WLS: variants seen among roughly 807,000 people sequenced by gnomAD.
WLS encodes the protein protein wntless homolog.
A neutral mutation model predicts 62.8 loss-of-function variants in WLS; 23 were observed. The ratio of observed to expected loss-of-function variants is 0.37; its 90% confidence interval spans 0.26 to 0.52. WLS has a LOEUF of 0.52. Ranked by LOEUF, WLS falls within the 20% of genes least tolerant of loss-of-function variation. WLS has a pLI of 0.92. For missense variants in WLS, 615 were observed against 697.3 expected (o/e 0.88, Z 1.33); for synonymous variants, 246 against 244.1 (o/e 1.01, Z -0.07).
Position 68,126,130 on chromosome 1 carries a change from A to G in WLS, c.*96T>C. The G allele has an allele frequency of 2.0e-6, 3 of 1,527,900 alleles. No homozygotes were observed. The highest frequency in any genetic ancestry group is 2.6e-6 in the Non-Finnish European group (3 of 1,135,500). 94.6% of individuals were successfully genotyped at this position (1,527,900 alleles called of 1,614,324 possible). A position where few individuals can be genotyped will look rare whatever the true frequency, so the allele number is the denominator to read the frequency against. On this transcript the variant is annotated 3_prime_UTR_variant, in exon 12 of 12. Coordinates refer to ENST00000262348, the MANE Select transcript of WLS (RefSeq NM_024911.7). ...AAACCACAGCTAAGAGCCATGAGGC[A>G]TTCATTTGTACATTGAGCTCTCTCT...
Position 68,232,358 on chromosome 1 carries a change from G to GCTCCCTCCTCTCACACA in WLS, c.-76_-60dup, listed in dbSNP as rs1650469950. 33 of 1,578,676 alleles carry GCTCCCTCCTCTCACACA rather than the reference G, an allele frequency of 2.1e-5. No homozygotes were observed. In the South Asian group the frequency reaches 3.6e-4, roughly 17 times the overall value. On this transcript the variant is annotated 5_prime_UTR_variant, in exon 1 of 12. Coordinates refer to ENST00000262348, the MANE Select transcript of WLS (RefSeq NM_024911.7). ...ATAAATGTTTTAGGGTGAGCTTTTT[G>GCTCCCTCCTCTCACACA]CTCCCTCCTCTCACACACTCCCTCC...
chr1:68,118,902 A>AGCACCT (rs60886595), intron 11 of WLS, among the ~76,000 whole-genome samples: 1 of 143,942 alleles, frequency 6.9e-6, no homozygotes, highest in Non-Finnish European at 1.5e-5. Context: ...AAAAAAAAAA[A>AGCACCT]GCACCTGGCC....
chr1:68,206,076 G>A (rs1463915099), intron 1 of WLS, among the ~76,000 whole-genome samples: 1 of 152,196 alleles, frequency 6.6e-6, no homozygotes, highest in Non-Finnish European at 1.5e-5. Flanking sequence ...TACTGTCCCT[G>A]TTGATTCACA....
chr1:68,133,068 AGC>A (rs1646553333), intron 11 of WLS, among the ~76,000 whole-genome samples: 4 of 141,784 alleles, frequency 2.8e-5, no homozygotes, highest in Admixed American at 6.9e-5. Context: ...CAGCAACAGC[AGC>A]AGCAGCAGCA....
At chr1:68,171,553 C>T (rs906458946) in intron 2 of WLS, among the ~76,000 whole-genome samples, 5 of 152,024 alleles carry the variant, frequency 3.3e-5, no homozygotes, top group Non-Finnish European at 5.9e-5. Context: ...AGCCAACAAA[C>T]GTGAAAAAAA....
intron 11 of WLS, among the ~76,000 whole-genome samples, chr1:68,136,859 C>T (rs535273228): frequency 6.6e-6 from 1 of 152,318 alleles, no homozygotes; most frequent in South Asian, 2.1e-4. Context: ...ACCCTTGGCT[C>T]TGGGGGGCTG....
Position 68,175,949 on chromosome 1 carries a change from G to A in WLS, c.380-16702C>T, listed in dbSNP as rs7518511. Among the ~76,000 whole-genome samples, 477 of 152,332 alleles carry A rather than the reference G, an allele frequency of 3.1e-3. 10 individuals are homozygous for A. The highest frequency in any genetic ancestry group is 0.011 in the African/African-American group (443 of 41,576). ...AAAGCCAGCTACTAGAAGGGATCCC[G>A]TCTGTTTCACAGGAAAGCTTTGTTT... On this transcript the variant is annotated intron_variant, in intron 2 of 11. Coordinates refer to ENST00000262348, the MANE Select transcript of WLS (RefSeq NM_024911.7).
chr1:68,183,314 A>G (rs906848207), intron 2 of WLS, among the ~76,000 whole-genome samples: 1 of 152,194 alleles, frequency 6.6e-6, no homozygotes, highest in African/African-American at 2.4e-5. Flanking sequence ...GTAGAGTTAT[A>G]CATTTCTTCT....
intron 2 of WLS, among the ~76,000 whole-genome samples, chr1:68,192,767 TTA>T (rs376648983): frequency 0.21 from 22,930 of 107,578 alleles, 3,576 homozygotes; most frequent in African/African-American, 0.38. Flanking sequence ...ACTCTGTCTC[TTA>T]AAAAAAAAAA....
chr1:68,145,797 G>T, intron 9 of WLS, 72 bp downstream of exon 9: 3 of 1,583,880 alleles, frequency 1.9e-6, no homozygotes, highest in South Asian at 2.3e-5. Flanking sequence ...TCTCCAGGGT[G>T]TGTGTGTTTA....
chr1:68,177,409 G>A (rs1190662395), intron 2 of WLS, among the ~76,000 whole-genome samples: 3 of 152,158 alleles, frequency 2.0e-5, no homozygotes, highest in Admixed American at 1.3e-4. Context: ...TAACATCCAT[G>A]GACGGGGTCC....
chr1:68,172,836 T>C (rs1224909722), intron 2 of WLS, among the ~76,000 whole-genome samples: 1 of 152,088 alleles, frequency 6.6e-6, no homozygotes, highest in Non-Finnish European at 1.5e-5. Flanking sequence ...TAATTCAATA[T>C]GGCAGGGAAT....
At chr1:68,148,978 T>C (rs1316411054) in intron 6 of WLS, among the ~76,000 whole-genome samples, 1 of 152,106 alleles carries the variant, frequency 6.6e-6, no homozygotes, top group Non-Finnish European at 1.5e-5. Flanking sequence ...ACAAAATAAC[T>C]CATTCTGAAT....
chr1:68,148,110 AC>A (rs769953132), intron 8 of WLS, 25 bp downstream of exon 8: 1 of 1,613,558 alleles, frequency 6.2e-7, no homozygotes, highest in Non-Finnish European at 8.5e-7. Context: ...AAGAAATAAA[AC>A]CCTGAGCCCA....
chr1:68,099,490 G>GT (rs1181789327), intron 11 of WLS, among the ~76,000 whole-genome samples: 14 of 152,240 alleles, frequency 9.2e-5, no homozygotes, highest in African/African-American at 3.4e-4. Context: ...TCATCCTTCC[G>GT]TACCTGTAGG....
intron 11 of WLS, among the ~76,000 whole-genome samples, chr1:68,129,512 G>A (rs1646487433): frequency 6.6e-6 from 1 of 152,192 alleles, no homozygotes. Flanking sequence ...TGTACGATGT[G>A]AAGCTACTGT....
intron 5 of WLS, among the ~76,000 whole-genome samples, chr1:68,153,076 C>T (rs1251813876): frequency 3.3e-5 from 5 of 152,074 alleles, no homozygotes; most frequent in African/African-American, 4.8e-5. Context: ...CTCAGGATTT[C>T]GAGATCAGCC....
At chr1:68,168,435 G>C (rs1016461482) in intron 2 of WLS, among the ~76,000 whole-genome samples, 2 of 152,130 alleles carry the variant, frequency 1.3e-5, no homozygotes, top group African/African-American at 4.8e-5. Context: ...TTTGCAGTAT[G>C]GAAACAGTGG....
chr1:68,161,885 C>T (rs74081400), intron 2 of WLS: 3 of 1,607,418 alleles, frequency 1.9e-6, no homozygotes, highest in African/African-American at 1.3e-5. Flanking sequence ...ATCCCTTCCA[C>T]GGCTGCAGGA....
Sources: allele counts gnomAD v4.1 joint callset (sites outside exome capture counted in the v4.1 genomes callset), GRCh38; gene constraint gnomAD v4.1.1; transcripts MANE v1.5; gene names NCBI Gene and HGNC (gene_info 2026-07-23, HGNC 2026-07-21).